The following RBFOX1 variants were observed in gnomAD, a reference collection of about 807,000 sequenced individuals.
RBFOX1 encodes the protein RNA binding fox-1 homolog 1.
In RBFOX1, 8 loss-of-function variants were observed where a neutral mutation model predicts 57.7. The observed-to-expected ratio is 0.14, with a 90% confidence interval of 0.08 to 0.25. The LOEUF is 0.25. Among genes scored for constraint, RBFOX1 ranks in the 10% least tolerant of loss-of-function variants. The probability of loss-of-function intolerance (pLI) is 1.00; values close to 1 mark genes in which losing one functional copy is unlikely to be tolerated. For missense variants in RBFOX1, 611 were observed against 548.5 expected, an observed-to-expected ratio of 1.11 and a Z score of -1.14; for synonymous variants, 326 against 222.4, an observed-to-expected ratio of 1.47 and a Z score of -4.15.
chr16:6,406,420 A>T (rs1475999017), intron 2 of RBFOX1, among the ~76,000 whole-genome samples: 2 of 152,168 alleles, frequency 1.3e-5, no homozygotes, highest in Non-Finnish European at 2.9e-5. Flanking sequence ...TTAGACAAAT[A>T]TGGAAGTCAT....
At chr16:5,574,574 C>T (rs1424312387) in intron 2 of RBFOX1, among the ~76,000 whole-genome samples, 1 of 151,960 alleles carries the variant, frequency 6.6e-6, no homozygotes, top group Admixed American at 6.6e-5. Flanking sequence ...GCCACCACGC[C>T]CAGCAATTTT....
At chr16:5,545,491 A>T (rs1226122464) in intron 2 of RBFOX1, among the ~76,000 whole-genome samples, 1 of 152,186 alleles carries the variant, frequency 6.6e-6, no homozygotes, top group Non-Finnish European at 1.5e-5. Context: ...CAAATACAGC[A>T]ATATATAAAA....
chr16:5,734,291 G>C (rs6500715), intron 3 of RBFOX1, among the ~76,000 whole-genome samples: 72,738 of 151,430 alleles, frequency 0.48, 19,836 homozygotes, highest in African/African-American at 0.75. Context: ...GAGACCCCAC[G>C]TCTACACAAA....
At chr16:7,062,643 C>G (rs1598455155) in intron 4 of RBFOX1, among the ~76,000 whole-genome samples, 1 of 152,118 alleles carries the variant, frequency 6.6e-6, no homozygotes, top group African/African-American at 2.4e-5. Context: ...ATGGCCAAGG[C>G]AGGACAGTTG....
At chr16:7,053,897 A>G (rs969216069) in intron 4 of RBFOX1, among the ~76,000 whole-genome samples, 2 of 152,100 alleles carry the variant, frequency 1.3e-5, no homozygotes, top group Admixed American at 6.5e-5. Flanking sequence ...GAATTGATAG[A>G]TGGCACATTT....
At chr16:7,008,452 A>G (rs1294692597) in intron 3 of RBFOX1, among the ~76,000 whole-genome samples, 1 of 152,050 alleles carries the variant, frequency 6.6e-6, no homozygotes, top group Non-Finnish European at 1.5e-5. Flanking sequence ...AGGCAGCAGA[A>G]TCGCTTGAAC....
intron 3 of RBFOX1, among the ~76,000 whole-genome samples, chr16:5,830,199 C>A (rs538034580): frequency 6.6e-6 from 1 of 152,168 alleles, no homozygotes; most frequent in African/African-American, 2.4e-5. Flanking sequence ...TTGTTAGAGA[C>A]CATTTGCCCC....
At chr16:5,362,666 C>A (rs190645405) in intron 1 of RBFOX1, among the ~76,000 whole-genome samples, 228 of 152,174 alleles carry the variant, frequency 1.5e-3, no homozygotes, top group Admixed American at 4.6e-3. Flanking sequence ...CAGGCCACAT[C>A]ACTGACACTT....
At chr16:7,622,264 T>A (rs1251138121) in intron 10 of RBFOX1, among the ~76,000 whole-genome samples, 2 of 152,204 alleles carry the variant, frequency 1.3e-5, no homozygotes, top group Admixed American at 1.3e-4. Flanking sequence ...TTCAATATCC[T>A]CATCTATTAA....
At chr16:6,823,154 C>G (rs143474183) in intron 3 of RBFOX1, among the ~76,000 whole-genome samples, 2,248 of 152,248 alleles carry the variant, frequency 0.015, 20 homozygotes, top group Middle Eastern at 0.034. Context: ...CCAGGACCAT[C>G]TCAGCCCCAA....
chr16:5,460,053 T>C (rs1156916565), intron 1 of RBFOX1, among the ~76,000 whole-genome samples: 2 of 152,222 alleles, frequency 1.3e-5, no homozygotes, highest in Non-Finnish European at 2.9e-5. Context: ...AAGTCAATGA[T>C]GAGTCTCTGG....
At chr16:6,639,014 A>G (rs1370963124) in intron 2 of RBFOX1, among the ~76,000 whole-genome samples, 1 of 152,230 alleles carries the variant, frequency 6.6e-6, no homozygotes, top group African/African-American at 2.4e-5. Flanking sequence ...TCCTGAAAGT[A>G]TCAGTTTCCA....
At chr16:7,071,566 C>G (rs1012752171) in intron 4 of RBFOX1, among the ~76,000 whole-genome samples, 1 of 148,372 alleles carries the variant, frequency 6.7e-6, no homozygotes, top group Non-Finnish European at 1.5e-5. Context: ...ACAACTGACC[C>G]CAACACTAAT....
At chr16:6,585,778 GT>G (rs138408143) in intron 2 of RBFOX1, among the ~76,000 whole-genome samples, 57,686 of 151,924 alleles carry the variant, frequency 0.38, 11,857 homozygotes, top group Middle Eastern at 0.52. Flanking sequence ...AACTAATTTA[GT>G]TTTTTTCTTC....
chr16:6,088,034 C>G lies in RBFOX1; in HGVS notation c.-127+68042C>G, dbSNP rs2096114805. On this transcript the variant is annotated intron_variant, in intron 1 of 15. Transcript: ENST00000550418. Reference sequence around the variant, plus strand: ...CTTTTATTCTAATCAAGCATATTTTCACAATTTCTACAGCAGCCACAACAA... The same window carrying G: ...CTTTTATTCTAATCAAGCATATTTTGACAATTTCTACAGCAGCCACAACAA... Among the ~76,000 whole-genome samples, 3 of 152,228 alleles carry G rather than the reference C, an allele frequency of 2.0e-5. No individual in the cohort carries two copies. In the South Asian group the frequency reaches 6.2e-4, roughly 32 times the overall value.
intron 4 of RBFOX1, among the ~76,000 whole-genome samples, chr16:7,057,972 C>T (rs2052934369): frequency 6.7e-6 from 1 of 148,400 alleles, no homozygotes; most frequent in Non-Finnish European, 1.5e-5. Context: ...CATGCCACTG[C>T]ACTCCAGTCT....
intron 3 of RBFOX1, among the ~76,000 whole-genome samples, chr16:6,820,959 T>C (rs779447132): frequency 1.6e-4 from 25 of 152,230 alleles, no homozygotes; most frequent in African/African-American, 4.1e-4. Flanking sequence ...CTACCAGTTA[T>C]TGAATTTGTA....
In RBFOX1 at chr16:6,863,636, A is replaced by G. The variant is rs114733831; in HGVS notation, c.-15-188421A>G. On this transcript the variant is annotated intron_variant, in intron 3 of 15. Coordinates refer to ENST00000550418, the MANE Select transcript of RBFOX1 (RefSeq NM_018723.4). ...GTCAGAAGGAGGGAGAGAGAATGGC[A>G]TCAAAATACCAAGGTTCTGTTTTTT... is the stretch of plus-strand genomic sequence containing the variant. Among the ~76,000 whole-genome samples the G allele has an allele frequency of 2.8e-3, 411 of 147,988 alleles. 3 individuals are homozygous for G. The highest frequency in any genetic ancestry group is 0.018 in the Middle Eastern group (5 of 282).
chr16:7,466,460 C>T (rs1039581440), intron 4 of RBFOX1, among the ~76,000 whole-genome samples: 6 of 152,102 alleles, frequency 3.9e-5, no homozygotes, highest in African/African-American at 1.2e-4. Flanking sequence ...CTTAGTAGCT[C>T]GGTTTTAAAA....
Sources: gnomAD v4.1 joint callset for allele counts (sites outside exome capture counted in the v4.1 genomes callset) on GRCh38, gnomAD v4.1.1 for gene constraint, MANE v1.5 for transcripts, NCBI Gene and HGNC (gene_info 2026-07-23, HGNC 2026-07-21) for gene names.